The following ARMCX4 variants were observed in gnomAD, a reference collection of about 807,000 sequenced individuals.
ARMCX4 encodes the protein armadillo repeat containing X-linked 4, also known as armadillo repeat-containing X-linked protein 4.
Under a neutral mutation model 34.7 loss-of-function variants are expected in ARMCX4, and 3 were observed. The observed-to-expected ratio is 0.09, with a 90% CI of 0.04 to 0.22. ARMCX4 has a LOEUF of 0.22. ARMCX4 is among the 10% of genes least tolerant of loss of function. The probability of loss-of-function intolerance (pLI) is 1.00; values close to 1 mark genes in which losing one functional copy is unlikely to be tolerated. For synonymous variants in ARMCX4, 513 were observed against 632.8 expected (o/e 0.81, Z 2.84); for missense variants, 1,448 against 1,720.8 (o/e 0.84, Z 2.81).
At chrX:101,427,527 G>T (rs138594512) in intron 2 of ARMCX4, among the ~76,000 whole-genome samples, 1 of 110,816 alleles carries the variant, frequency 9.0e-6, no homozygotes, top group Non-Finnish European at 1.9e-5. Flanking sequence ...ACAGGTGCAC[G>T]CCACTGTGTC....
chrX:101,464,105 GC>G (rs1932747730), intron 4 of ARMCX4, among the ~76,000 whole-genome samples: 1 of 110,242 alleles, frequency 9.1e-6, no homozygotes, highest in South Asian at 4.0e-4. Context: ...GGGTGCGGTG[GC>G]TCATGCCTGT....
upstream of ARMCX4, among the ~76,000 whole-genome samples, chrX:101,481,197 C>T (rs1298521975): frequency 2.7e-5 from 3 of 112,324 alleles, no homozygotes; most frequent in South Asian, 1.1e-3. Flanking sequence ...AGACGGTCCC[C>T]AATTTATGAC....
chrX:101,492,494 G>A lies in ARMCX4; in HGVS notation c.3905G>A (p.Gly1302Glu). The A allele has an allele frequency of 8.7e-7, 1 of 1,150,648 alleles. No individual in the cohort carries two copies. Among genetic ancestry groups the A allele is most frequent in the Non-Finnish European group, 1.1e-6 (1 of 870,633 alleles). The allele number at this position is 1,150,648 out of a possible 1,213,427, so 94.8% of individuals were successfully genotyped here. The change falls in exon 6 of 6, where the codon GGG (glycine) becomes GAG (glutamate). Residue 1302 changes from glycine (G) to glutamate (E), a missense_variant. Gly to Glu is a moderately conservative substitution (Grantham distance 98). Around this residue, in one of 2 missense-constraint regions of ARMCX4, gnomAD observed 1,343 missense variants for 1,540.7 expected, o/e 0.87. Coordinates refer to ENST00000423738, the MANE Select transcript of ARMCX4 (RefSeq NM_001256155.3). The part of the protein sequence containing the change: ...WAGVVDQAGG[G>E]SWAGTSDQSG... The stretch of plus-strand genomic sequence containing the variant: ...GGGGTTGTGGATCAGGCCGGTGGAG[G>A]GTCCTGGGCTGGGACTAGTGATCAA...
At chrX:101,463,932 A>G (rs1556001564) in intron 4 of ARMCX4, among the ~76,000 whole-genome samples, 2 of 109,786 alleles carry the variant, frequency 1.8e-5, no homozygotes, top group Non-Finnish European at 3.8e-5. Flanking sequence ...TTTTTTTGGT[A>G]TTTTTGGTAG....
At position 101,493,377 on chromosome X, in the gene ARMCX4, C is replaced by T. The variant is rs1465039158; in HGVS notation, c.4788C>T (p.Gly1596=). 4.9e-5 allele frequency: 56 copies of T among 1,152,172 alleles called. No homozygotes were observed. The highest frequency in any genetic ancestry group is 6.2e-5 in the Non-Finnish European group (54 of 871,968). The allele number at this position is 1,152,172 out of a possible 1,213,427, so 95.0% of individuals were successfully genotyped here. The change falls in exon 6 of 6, where the codon GGC becomes GGT. Residue 1596 remains glycine, a synonymous_variant. Coordinates refer to ENST00000423738, the MANE Select transcript of ARMCX4 (RefSeq NM_001256155.3). ...WPGAGDQTGG[G]SRPGSEDQSS... is the part of the protein sequence containing the mutation. ...GTGCTGGGGACCAGACTGGTGGAGG[C>T]TCCAGGCCAGGGTCTGAGGATCAGT...
chrX:101,426,541 T>C (rs1929634771), intron 2 of ARMCX4, among the ~76,000 whole-genome samples: 1 of 111,588 alleles, frequency 9.0e-6, no homozygotes, highest in African/African-American at 3.3e-5. Flanking sequence ...TGAGAGCAGG[T>C]TGTAGGTTGA....
At chrX:101,512,966 T>C (rs1340087527) in intron 11 of ARMCX4, among the ~76,000 whole-genome samples, 2 of 108,165 alleles carry the variant, frequency 1.8e-5, no homozygotes, top group African/African-American at 3.4e-5. Context: ...TTTTAGGGCA[T>C]GCTGGCAGGC....
At chrX:101,426,697 A>G (rs1201868267) in intron 2 of ARMCX4, among the ~76,000 whole-genome samples, 1 of 111,495 alleles carries the variant, frequency 9.0e-6, no homozygotes, top group Non-Finnish European at 1.9e-5. Context: ...AAGCAGCTCT[A>G]TGAGGTAGGT....
In ARMCX4 at chrX:101,491,100, G is replaced by T. The variant is rs1933959698; in HGVS notation, c.2511G>T (p.Gln837His). Reference sequence around the variant, plus strand: ...AGCCCCAGGCTGTGGCCAATTCCCAGGGTGAAGTCTTGCCTGGTGCCAAGA... The same window carrying T: ...AGCCCCAGGCTGTGGCCAATTCCCATGGTGAAGTCTTGCCTGGTGCCAAGA... ...SAQPQAVANS[Q>H]GEVLPGAKNK... is the part of the protein sequence containing the mutation. Residue 837 changes from glutamine (Q) to histidine (H), a missense_variant, in exon 6 of 6, where the codon CAG becomes CAT. By Grantham distance (24) the Gln-to-His change is conservative. This residue lies in a region of ARMCX4 where 1,343 missense variants were observed against 1,540.7 expected (regional missense o/e 0.87). Coordinates refer to ENST00000423738, the MANE Select transcript of ARMCX4 (RefSeq NM_001256155.3). 6 of 1,155,126 alleles carry T rather than the reference G, an allele frequency of 5.2e-6. No individual in the cohort carries two copies. Among genetic ancestry groups the T allele is most frequent in the Non-Finnish European group, 5.7e-6 (5 of 872,844 alleles).
intron 2 of ARMCX4, among the ~76,000 whole-genome samples, chrX:101,428,015 C>T (rs1210402385): frequency 8.9e-6 from 1 of 112,027 alleles, no homozygotes; most frequent in Non-Finnish European, 1.9e-5. Context: ...TATAATTCAA[C>T]AACTCCATTC....
upstream of ARMCX4, among the ~76,000 whole-genome samples, chrX:101,481,997 G>A (rs1933470971): frequency 9.0e-6 from 1 of 111,366 alleles, no homozygotes; most frequent in African/African-American, 3.3e-5. Context: ...ACTTTGAGAG[G>A]CCCAGGTGGT....
At chrX:101,432,900 G>GTATACATACGTGTATATATACGTGTA (rs1930230357) in intron 2 of ARMCX4, among the ~76,000 whole-genome samples, 1 of 24,370 alleles carries the variant, frequency 4.1e-5, no homozygotes, top group Non-Finnish European at 1.3e-4. Context: ...ATATATACGT[G>GTATACATACGTGTATATATACGTGTA]TATATACACA....
intron 7 of ARMCX4, among the ~76,000 whole-genome samples, chrX:101,501,557 C>G (rs1556013623): frequency 8.9e-6 from 1 of 112,350 alleles, no homozygotes; most frequent in Non-Finnish European, 1.9e-5. Context: ...GCAGCAGCAG[C>G]AGCAATATAT....
chrX:101,522,173 G>C (rs1276754697), intron 11 of ARMCX4, among the ~76,000 whole-genome samples: 1 of 110,629 alleles, frequency 9.0e-6, no homozygotes, highest in East Asian at 2.8e-4. Context: ...TGTATTTTGG[G>C]GATTTGTCAT....
rs191461280 is a variant in ARMCX4 at position 101,437,481 on chromosome X, C to G, written n.165-6571C>G. 4.8e-3 allele frequency among the ~76,000 whole-genome samples: 533 copies of G among 111,502 alleles called. 6 individuals carry two copies. Among genetic ancestry groups the G allele is most frequent in the African/African-American group, 0.017 (517 of 30,689 alleles). ...CTGGTAATTTGTATTTCTGTGGGATCGGTGGTGATATCCCCTTTATCATTT... is the reference window on the plus strand; with the variant it reads ...CTGGTAATTTGTATTTCTGTGGGATGGGTGGTGATATCCCCTTTATCATTT... On this transcript the variant is annotated intron_variant and non_coding_transcript_variant, in intron 2 of 3. Coordinates refer to the ARMCX4 transcript ENST00000430461.
intron 11 of ARMCX4, among the ~76,000 whole-genome samples, chrX:101,527,757 T>C (rs1935012121): frequency 9.0e-6 from 1 of 111,616 alleles, no homozygotes; most frequent in African/African-American, 3.3e-5. Context: ...CCTCGACACA[T>C]ACACCCTTCC....
intron 2 of ARMCX4, among the ~76,000 whole-genome samples, chrX:101,486,847 A>G (rs904883319): frequency 1.8e-5 from 2 of 109,673 alleles, no homozygotes; most frequent in Admixed American, 9.8e-5. Context: ...GGATCTTTTG[A>G]GCCTGGGAGG....
Position 101,492,460 on chromosome X carries a change from T to C in ARMCX4, c.3871T>C (p.Tyr1291His). The change falls in exon 6 of 6, where the codon TAC becomes CAC. Residue 1291 changes from tyrosine (Y) to histidine (H), a missense_variant. Tyr to His is a moderately conservative substitution (Grantham distance 83, BLOSUM62 2). Around this residue, in one of 2 missense-constraint regions of ARMCX4, gnomAD observed 1,343 missense variants for 1,540.7 expected, o/e 0.87. Coordinates refer to ENST00000423738, the MANE Select transcript of ARMCX4 (RefSeq NM_001256155.3). ...AGAGNMSSVS[Y>H]WAGVVDQAGG... ...GGCTGGGAATATGAGTAGTGTTTCA[T>C]ACTGGGCTGGGGTTGTGGATCAGGC... The C allele has an allele frequency of 8.7e-7, 1 of 1,150,578 alleles. No homozygotes were observed. Among genetic ancestry groups the C allele is most frequent in the Non-Finnish European group, 1.1e-6 (1 of 871,304 alleles). 94.8% of individuals were successfully genotyped at this position (1,150,578 alleles called of 1,213,427 possible).
chrX:101,476,984 A>G (rs1476838814), intron 4 of ARMCX4, among the ~76,000 whole-genome samples: 1 of 111,680 alleles, frequency 9.0e-6, no homozygotes, highest in African/African-American at 3.2e-5. Context: ...ATTATAATTA[A>G]AGATATAAAA....
Sources: allele counts gnomAD v4.1 joint callset (sites outside exome capture counted in the v4.1 genomes callset), GRCh38; gene constraint gnomAD v4.1.1; regional missense constraint gnomAD v4.1.1; transcripts MANE v1.5; gene names NCBI Gene and HGNC (gene_info 2026-07-23, HGNC 2026-07-21).